The following FBRSL1 variants were observed in gnomAD, a reference collection of about 807,000 sequenced individuals.
FBRSL1 encodes fibrosin like 1.
A neutral mutation model predicts 89.6 loss-of-function variants in FBRSL1; 51 were observed. The observed-to-expected ratio is 0.57, with a 90% CI of 0.45 to 0.72. The LOEUF (loss-of-function observed/expected upper bound fraction) is 0.72, where lower values mean the gene tolerates loss of function less well. Ranked by LOEUF, FBRSL1 falls within the 30% of genes least tolerant of loss-of-function variation. The pLI is 0.00. For missense variants in FBRSL1, 1,618 were observed against 1,451.8 expected, an observed-to-expected ratio of 1.11 and a Z score of -1.86; for synonymous variants, 779 against 681.1, an observed-to-expected ratio of 1.14 and a Z score of -2.24.
chr12:132,544,174 C>A (rs1011209452), intron 4 of FBRSL1, among the ~76,000 whole-genome samples: 1 of 152,136 alleles, frequency 6.6e-6, no homozygotes, highest in African/African-American at 2.4e-5. Flanking sequence ...AGCCTCGGTG[C>A]GGCTTAAAAC....
intron 1 of FBRSL1, among the ~76,000 whole-genome samples, chr12:132,506,467 C>T (rs1262485817): frequency 1.3e-5 from 2 of 152,238 alleles, no homozygotes; most frequent in Admixed American, 1.3e-4. Flanking sequence ...CCTGTCCCCT[C>T]TGACTCTTTG....
Position 132,570,224 on chromosome 12 carries a change from C to T in FBRSL1, c.990C>T (p.Asn330=), listed in dbSNP as rs1230121402. 9 of 1,491,352 alleles carry T rather than the reference C, an allele frequency of 6.0e-6. No individual in the cohort carries two copies. The South Asian group carries it at 7.7e-5, about 13-fold the overall frequency. 92.4% of individuals were successfully genotyped at this position (1,491,352 alleles called of 1,614,324 possible). Residue 330 remains asparagine (N), a synonymous_variant, in exon 7 of 19, where the codon AAC becomes AAT. Transcript: ENST00000680143. ...CGGGCCACAGCCAGGCGGCAGCCAA[C>T]GGCCTGCACGGCCTCAGGTGGGGTC... ...AFAGHSQAAA[N]GLHGLSRSSS... is the part of the protein sequence containing the mutation.
rs553131670 is a variant in FBRSL1, at chr12:132,529,968, G to A, written c.615+1980G>A. On this transcript the variant is annotated intron_variant, in intron 4 of 18. Coordinates refer to ENST00000680143, the MANE Select transcript of FBRSL1 (RefSeq NM_001367871.1). ...AGCCTTGCTGTTGTCACCTGTGCGC[G>A]GGGGCAACCCCTCAGAGGTGGCTGT... 3.0e-3 allele frequency among the ~76,000 whole-genome samples: 457 copies of A among 152,312 alleles called. 8 individuals are homozygous for A. The highest frequency in any genetic ancestry group is 0.019 in the Admixed American group (286 of 15,312).
At chr12:132,564,527 G>C (rs111906093) in intron 5 of FBRSL1, among the ~76,000 whole-genome samples, 1 of 115,016 alleles carries the variant, frequency 8.7e-6, no homozygotes, top group Admixed American at 7.8e-5. Context: ...ACGGAGTCTC[G>C]CTCTGTCGCC....
intron 4 of FBRSL1, among the ~76,000 whole-genome samples, chr12:132,538,609 G>A (rs2036956739): frequency 6.6e-6 from 1 of 152,198 alleles, no homozygotes. Flanking sequence ...CACAGCCCAT[G>A]GGGCCTTGGC....
intron 1 of FBRSL1, among the ~76,000 whole-genome samples, chr12:132,507,566 G>A (rs1258034539): frequency 6.6e-6 from 1 of 152,122 alleles, no homozygotes. Context: ...GTTTACAGGG[G>A]GCCTGGGGGT....
At chr12:132,515,756 C>G (rs1160528827) in intron 2 of FBRSL1, among the ~76,000 whole-genome samples, 1 of 151,872 alleles carries the variant, frequency 6.6e-6, no homozygotes, top group African/African-American at 2.4e-5. Context: ...AAAAATTAGC[C>G]AGGCACGGTG....
chr12:132,517,368 G>C (rs2034937689), intron 2 of FBRSL1, among the ~76,000 whole-genome samples: 1 of 152,224 alleles, frequency 6.6e-6, no homozygotes, highest in Admixed American at 6.5e-5. Context: ...CCTGGGGCTA[G>C]CCGTTCCGGG....
rs907557360 is a variant in FBRSL1 at position 132,564,696 on chromosome 12, C to T, written c.646-2785C>T. ...ATTTTTAGTAGAGACGGGGTTTCAC[C>T]GTGTTAGCCAGGATGGTCTCGATCT... On this transcript the variant is annotated intron_variant, in intron 5 of 18. Coordinates refer to ENST00000680143, the MANE Select transcript of FBRSL1 (RefSeq NM_001367871.1). Among the ~76,000 whole-genome samples, 90 of 92,004 alleles carry T rather than the reference C, an allele frequency of 9.8e-4. 20 individuals carry two copies. In the Middle Eastern group the frequency reaches 0.013, roughly 14 times the overall value. The allele number at this position is 92,004 out of a possible 152,430, so 60.4% of individuals were successfully genotyped here. A position where few individuals can be genotyped will look rare whatever the true frequency, so the allele number is the denominator to read the frequency against.
intron 1 of FBRSL1, among the ~76,000 whole-genome samples, chr12:132,491,373 C>T (rs2030920412): frequency 6.6e-6 from 1 of 152,194 alleles, no homozygotes; most frequent in Admixed American, 6.5e-5. Flanking sequence ...ATAGATTGGC[C>T]AAAAATATTG....
intron 2 of FBRSL1, among the ~76,000 whole-genome samples, chr12:132,519,637 G>C (rs1289492512): frequency 6.6e-6 from 1 of 152,192 alleles, no homozygotes; most frequent in Admixed American, 6.5e-5. Flanking sequence ...CTGGCTGGGC[G>C]CGGTGGCTCA....
intron 15 of FBRSL1, among the ~76,000 whole-genome samples, chr12:132,577,676 AC>A (rs1333112573): frequency 6.7e-6 from 1 of 149,538 alleles, no homozygotes; most frequent in Non-Finnish European, 1.5e-5. Flanking sequence ...ACGTGACCAC[AC>A]CCGAGTGTCA....
intron 2 of FBRSL1, among the ~76,000 whole-genome samples, chr12:132,514,385 C>T (rs956942271): frequency 2.0e-5 from 3 of 152,322 alleles, no homozygotes; most frequent in East Asian, 1.9e-4. Flanking sequence ...GCCTCCCTGG[C>T]GTCTTCCCAG....
chr12:132,581,675 A>G (rs2040759093), intron 16 of FBRSL1, 66 bp from the exon 17 acceptor site: 7 of 1,520,038 alleles, frequency 4.6e-6, no homozygotes, highest in Middle Eastern at 1.7e-4. Context: ...AGCAGCCCCC[A>G]CTGGGCCAGG....
At chr12:132,520,550 G>A (rs1363365719) in intron 2 of FBRSL1, among the ~76,000 whole-genome samples, 1 of 152,186 alleles carries the variant, frequency 6.6e-6, no homozygotes, top group Non-Finnish European at 1.5e-5. Flanking sequence ...GGATGCAGTC[G>A]CTGGTGTCAC....
At chr12:132,509,284 C>A in intron 2 of FBRSL1, 1 of 1,253,198 alleles carries the variant, frequency 8.0e-7, no homozygotes, top group Non-Finnish European at 9.9e-7. Context: ...TCCCTCCCAG[C>A]CCCGTCGGCA....
chr12:132,570,237 C>G lies in FBRSL1; in HGVS notation c.1003C>G (p.Leu335Val), dbSNP rs1017129224. 4 of 1,493,538 alleles carry G rather than the reference C, an allele frequency of 2.7e-6. No homozygotes were observed. In the African/African-American group the frequency reaches 5.8e-5, roughly 22 times the overall value. 92.5% of individuals were successfully genotyped at this position (1,493,538 alleles called of 1,614,324 possible). Residue 335 changes from leucine (L) to valine (V), a missense_variant, in exon 7 of 19, where the codon CTC (leucine) becomes GTC (valine). Coordinates refer to ENST00000680143, the MANE Select transcript of FBRSL1 (RefSeq NM_001367871.1). ...SQAAANGLHG[L>V]SRSSSAPLGL... ...GGCGGCAGCCAACGGCCTGCACGGC[C>G]TCAGGTGGGGTCCCCGCGGGGGACG...
Position 132,508,399 on chromosome 12 carries a change from A to C in FBRSL1, c.489+49A>C. 3 of 1,446,628 alleles carry C rather than the reference A, an allele frequency of 2.1e-6. No individual in the cohort carries two copies. The Admixed American group carries it at 7.9e-5, about 38-fold the overall frequency. 89.6% of individuals were successfully genotyped at this position (1,446,628 alleles called of 1,614,324 possible). A position where few individuals can be genotyped will look rare whatever the true frequency, so the allele number is the denominator to read the frequency against. On this transcript the variant is annotated intron_variant, in intron 2 of 18. Transcript: ENST00000680143. ...GAAGCTCTGCGGCGGGTCAGTGCTCACCGCCCCAGGGCCATGCCAGCACCT... is the reference window on the plus strand; with the variant it reads ...GAAGCTCTGCGGCGGGTCAGTGCTCCCCGCCCCAGGGCCATGCCAGCACCT...
intron 3 of FBRSL1, 148 bp from the exon 4 acceptor site, chr12:132,527,805 G>C: frequency 1.3e-6 from 1 of 763,742 alleles, no homozygotes; most frequent in South Asian, 1.5e-5. Flanking sequence ...GAGGGCTTCG[G>C]GTCTGTGGAT....
Sources: gnomAD v4.1 joint callset for allele counts (sites outside exome capture counted in the v4.1 genomes callset) on GRCh38, gnomAD v4.1.1 for gene constraint, MANE v1.5 for transcripts, NCBI Gene and HGNC (gene_info 2026-07-23, HGNC 2026-07-21) for gene names.